Variants in EPHA6 observed in about 807,000 individuals in gnomAD.
The protein encoded by EPHA6 is ephrin type-A receptor 6.
EPHA6 carries 50 observed loss-of-function variants against 112.0 expected under a neutral mutation model. The observed-to-expected ratio is 0.45, with a 90% confidence interval of 0.36 to 0.56. The LOEUF is 0.56. Ranked by LOEUF, EPHA6 falls within the 20% of genes least tolerant of loss-of-function variation. EPHA6 has a pLI of 0.00. For synonymous variants in EPHA6, 529 were observed against 490.7 expected, an observed-to-expected ratio of 1.08 and a Z score of -1.03; for missense variants, 1,280 against 1,417.4, an observed-to-expected ratio of 0.90 and a Z score of 1.56.
chr3:97,534,258 A>G (rs1381840196), intron 11 of EPHA6, among the ~76,000 whole-genome samples: 1 of 152,080 alleles, frequency 6.6e-6, no homozygotes, highest in East Asian at 1.9e-4. Context: ...CTTTATTGGG[A>G]CTATATGTGC....
chr3:97,630,208 A>G lies in EPHA6; in HGVS notation c.2575-7665A>G, dbSNP rs573366013. 2.6e-5 allele frequency among the ~76,000 whole-genome samples: 4 copies of G among 152,022 alleles called. No individual in the cohort carries two copies. The South Asian group carries it at 6.2e-4, about 24-fold the overall frequency. On this transcript the variant is annotated intron_variant, in intron 13 of 17. Coordinates refer to ENST00000389672, the MANE Select transcript of EPHA6 (RefSeq NM_001080448.3). The stretch of plus-strand genomic sequence containing the variant: ...TCACTCTTGGTGGCCTCTCTCAACT[A>G]CAACTAAAAATATAACTGTGCCTAG...
chr3:96,908,192 A>G (rs2039036355), intron 2 of EPHA6, among the ~76,000 whole-genome samples: 1 of 152,014 alleles, frequency 6.6e-6, no homozygotes, highest in Non-Finnish European at 1.5e-5. Context: ...AAGCTCCTTT[A>G]TACTAGTATG....
intron 2 of EPHA6, among the ~76,000 whole-genome samples, chr3:96,919,859 AG>A (rs2107625214): frequency 6.6e-6 from 1 of 152,022 alleles, no homozygotes; most frequent in African/African-American, 2.4e-5. Context: ...AGTGCATAAA[AG>A]TCATAGTACA....
At chr3:97,347,352 G>T (rs1250256192) in intron 5 of EPHA6, among the ~76,000 whole-genome samples, 24 of 151,776 alleles carry the variant, frequency 1.6e-4, no homozygotes, top group Admixed American at 1.5e-3. Context: ...ACTTTTCTTA[G>T]ATATAAAATA....
chr3:97,371,287 C>T (rs757384883), intron 5 of EPHA6, among the ~76,000 whole-genome samples: 7 of 152,026 alleles, frequency 4.6e-5, no homozygotes, highest in Non-Finnish European at 7.4e-5. Flanking sequence ...TGGGGTGTTA[C>T]GGGAAGTCAG....
At chr3:96,863,026 G>A (rs1241909092) in intron 1 of EPHA6, among the ~76,000 whole-genome samples, 1 of 151,896 alleles carries the variant, frequency 6.6e-6, no homozygotes, top group Non-Finnish European at 1.5e-5. Context: ...TATGCATTAT[G>A]TTGCTTACAA....
At position 97,446,407 on chromosome 3, in the gene EPHA6, T is replaced by A. The variant is rs576810478; in HGVS notation, c.1732-2161T>A. On this transcript the variant is annotated intron_variant, in intron 6 of 17. Transcript: ENST00000389672. Reference sequence around the variant, plus strand: ...AACAACAAAAATACTAAAAGCTGCCTGCAAAAGGTGTCCTTTATTCCCTGT... The same window carrying A: ...AACAACAAAAATACTAAAAGCTGCCAGCAAAAGGTGTCCTTTATTCCCTGT... 4.6e-5 allele frequency among the ~76,000 whole-genome samples: 7 copies of A among 152,304 alleles called. No individual in the cohort carries two copies. The South Asian group carries it at 1.2e-3, about 27-fold the overall frequency.
chr3:97,159,056 G>A (rs1559763850), intron 3 of EPHA6, among the ~76,000 whole-genome samples: 1 of 152,088 alleles, frequency 6.6e-6, no homozygotes, highest in South Asian at 2.1e-4. Context: ...ACACATGGTA[G>A]GATGATACAC....
intron 5 of EPHA6, among the ~76,000 whole-genome samples, chr3:97,252,616 A>G (rs2079175251): frequency 6.6e-6 from 1 of 152,110 alleles, no homozygotes; most frequent in Non-Finnish European, 1.5e-5. Context: ...GTCACAGGGC[A>G]GGGATAGGGA....
At chr3:97,084,262 T>C (rs373412623) in intron 3 of EPHA6, among the ~76,000 whole-genome samples, 19 of 151,332 alleles carry the variant, frequency 1.3e-4, no homozygotes, top group Admixed American at 5.3e-4. Context: ...CTAAATGTAT[T>C]TGTGTCATAC....
At chr3:96,837,051 CTGAG>C (rs1444113130) in intron 1 of EPHA6, among the ~76,000 whole-genome samples, 3 of 152,158 alleles carry the variant, frequency 2.0e-5, no homozygotes, top group African/African-American at 2.4e-5. Context: ...GGCATCTAGA[CTGAG>C]TGATAAGATA....
chr3:97,610,461 G>T (rs180830150), intron 12 of EPHA6, among the ~76,000 whole-genome samples: 38 of 151,756 alleles, frequency 2.5e-4, no homozygotes, highest in Admixed American at 7.2e-4. Flanking sequence ...CCTGACTTCA[G>T]CTTGTTGATT....
At chr3:97,085,026 G>C (rs1410913332) in intron 3 of EPHA6, among the ~76,000 whole-genome samples, 1 of 152,068 alleles carries the variant, frequency 6.6e-6, no homozygotes, top group Non-Finnish European at 1.5e-5. Flanking sequence ...TATATGAATA[G>C]TTGAAGTTTA....
intron 3 of EPHA6, among the ~76,000 whole-genome samples, chr3:97,180,797 C>T (rs1489475178): frequency 1.3e-5 from 2 of 152,042 alleles, no homozygotes; most frequent in Admixed American, 6.6e-5. Context: ...TCTTTTGGAA[C>T]TGTGATTTGT....
intron 7 of EPHA6, among the ~76,000 whole-genome samples, chr3:97,469,615 T>C (rs2107436996): frequency 6.6e-6 from 1 of 151,786 alleles, no homozygotes; most frequent in East Asian, 1.9e-4. Context: ...AGAAATACTT[T>C]AAAATTATAA....
chr3:97,063,062 G>A lies in EPHA6; in HGVS notation c.1114+75069G>A, dbSNP rs114355167. On this transcript the variant is annotated intron_variant, in intron 3 of 17. Transcript: ENST00000389672. The stretch of plus-strand genomic sequence containing the variant: ...AAAGTCAAAAGCAACAGATGCTGGC[G>A]AAGTTGTGGAGAAAAAGGAATGCTT... Among the ~76,000 whole-genome samples the A allele has an allele frequency of 4.9e-3, 749 of 152,168 alleles. 6 individuals carry two copies. Among genetic ancestry groups the A allele is most frequent in the African/African-American group, 0.016 (660 of 41,506 alleles).
At chr3:97,362,835 G>A (rs1369382217) in intron 5 of EPHA6, among the ~76,000 whole-genome samples, 1 of 151,630 alleles carries the variant, frequency 6.6e-6, no homozygotes, top group Non-Finnish European at 1.5e-5. Flanking sequence ...TATGGTCCTA[G>A]TTAGTAAATT....
Position 96,814,835 on chromosome 3 carries a change from C to T in EPHA6, c.212C>T (p.Pro71Leu). ...GAAGACGTGGACAAGGACCCCCATC[C>T]TACCCAGAACACCTGCCTGCGCTGC... ...EEEDVDKDPH[P>L]TQNTCLRCRH... Residue 71 changes from proline to leucine, a missense_variant, in exon 1 of 18, where the codon CCT becomes CTT. Transcript: ENST00000389672. The T allele has an allele frequency of 6.3e-7, 1 of 1,580,880 alleles. No homozygotes were observed. Among genetic ancestry groups the T allele is most frequent in the Non-Finnish European group, 8.6e-7 (1 of 1,162,920 alleles).
chr3:97,187,975 G>T (rs2077201367), intron 3 of EPHA6, among the ~76,000 whole-genome samples: 1 of 152,050 alleles, frequency 6.6e-6, no homozygotes, highest in African/African-American at 2.4e-5. Context: ...TATCTGATTG[G>T]CAAAAATCCA....
Sources: gnomAD v4.1 joint callset for allele counts (sites outside exome capture counted in the v4.1 genomes callset) on GRCh38, gnomAD v4.1.1 for gene constraint, MANE v1.5 for transcripts, NCBI Gene and HGNC (gene_info 2026-07-23, HGNC 2026-07-21) for gene names.